ESPL1: variants seen among roughly 807,000 people sequenced by gnomAD.
ESPL1 encodes the protein extra spindle pole bodies like 1, separase.
A neutral mutation model predicts 217.2 loss-of-function variants in ESPL1; 50 were observed. The observed-to-expected ratio is 0.23, with a 90% confidence interval of 0.18 to 0.29. The LOEUF (loss-of-function observed/expected upper bound fraction) is 0.29. Among genes scored for constraint, ESPL1 ranks in the 10% least tolerant of loss-of-function variants. The probability of loss-of-function intolerance (pLI) is 1.00; values close to 1 mark genes in which losing one functional copy is unlikely to be tolerated. For missense variants in ESPL1, 1,834 were observed against 2,603.0 expected (o/e 0.70, Z 6.43); for synonymous variants, 994 against 1,081.3 (o/e 0.92, Z 1.58).
chr12:53,285,096 C>T (rs1943925017), intron 17 of ESPL1, among the ~76,000 whole-genome samples: 1 of 151,742 alleles, frequency 6.6e-6, no homozygotes, highest in African/African-American at 2.4e-5. Context: ...ACTTCATGTG[C>T]TCAATAGCCA....
intron 11 of ESPL1, among the ~76,000 whole-genome samples, chr12:53,279,044 A>C (rs987100783): frequency 6.6e-6 from 1 of 151,878 alleles, no homozygotes; most frequent in African/African-American, 2.4e-5. Context: ...GGCGCATACC[A>C]CCACACCCTG....
Position 53,275,025 on chromosome 12 carries a change from A to C in ESPL1, c.1700+15A>C. Reference sequence around the variant, plus strand: ...CTACAGCTAAAGTGAGTTGAGGGCCAGACGCAGTGGCTCATGCTTGTAATC... The same window carrying C: ...CTACAGCTAAAGTGAGTTGAGGGCCCGACGCAGTGGCTCATGCTTGTAATC... On this transcript the variant is annotated intron_variant, in intron 7 of 30. Coordinates refer to ENST00000257934, the MANE Select transcript of ESPL1 (RefSeq NM_012291.5). The C allele has an allele frequency of 6.6e-7, 1 of 1,507,786 alleles. No homozygotes were observed. The highest frequency in any genetic ancestry group is 1.3e-5 in the South Asian group (1 of 74,820). The allele number at this position is 1,507,786 out of a possible 1,614,324, so 93.4% of individuals were successfully genotyped here. A position where few individuals can be genotyped will look rare whatever the true frequency, so the allele number is the denominator to read the frequency against.
intron 12 of ESPL1, 22 bp from the exon 13 acceptor site, chr12:53,281,485 T>C (rs755567030): frequency 6.2e-7 from 1 of 1,610,934 alleles, no homozygotes; most frequent in East Asian, 2.2e-5. Context: ...TTTCCTCATG[T>C]GCCCTCTGAT....
rs1379416319 is a variant in ESPL1, at chr12:53,286,198, T to C, written c.3462T>C (p.Pro1154=). The change falls in exon 18 of 31, where the codon CCT becomes CCC. Residue 1154 remains proline (P), a synonymous_variant. Coordinates refer to ENST00000257934, the MANE Select transcript of ESPL1 (RefSeq NM_012291.5). This position sits in a 1 kb window ranked among gnomAD's most constrained non-coding sequence, Gnocchi z 5.3. ...PTCDCSLCAS[P]VLTAVCLRWV... The stretch of plus-strand genomic sequence containing the variant: ...GTGACTGCTCGCTCTGCGCCAGCCC[T>C]GTCCTCACAGCAGTCTGTCTGCGCT... 1 of 1,614,242 alleles carries C rather than the reference T, an allele frequency of 6.2e-7. No homozygotes were observed.
chr12:53,275,842 A>G (rs1425767683), intron 7 of ESPL1, among the ~76,000 whole-genome samples: 8 of 151,756 alleles, frequency 5.3e-5, no homozygotes, highest in Non-Finnish European at 1.2e-4. Context: ...CTAGGATTAC[A>G]GGCATGAGCC....
At chr12:53,271,380 C>A (rs11170494) in intron 5 of ESPL1, among the ~76,000 whole-genome samples, 92,099 of 151,242 alleles carry the variant, frequency 0.61, 28,591 homozygotes, top group East Asian at 0.81. Flanking sequence ...CACCACTATG[C>A]CTGGCTAATT....
rs768750399 is a variant in ESPL1 at position 53,288,617 on chromosome 12, G to A, written c.4626G>A (p.Lys1542=). 6.2e-7 allele frequency: 1 copy of A among 1,613,926 alleles called. No individual in the cohort carries two copies. Among genetic ancestry groups the A allele is most frequent in the South Asian group, 1.1e-5 (1 of 91,084 alleles). Residue 1542 remains lysine (K), a synonymous_variant, in exon 20 of 31, where the codon AAG becomes AAA. Transcript: ENST00000257934. The stretch of plus-strand genomic sequence containing the variant: ...TGAGGCTGGATTCCAGCAAGAAGAA[G>A]CTGCCCAGCCCATGCCCAGACAAGG... ...ELLRLDSSKK[K]LPSPCPDKES...
intron 19 of ESPL1, 55 bp from the exon 20 acceptor site, chr12:53,288,481 AAC>A (rs201447440): frequency 1.3e-6 from 2 of 1,510,448 alleles, no homozygotes; most frequent in South Asian, 1.2e-5. Context: ...CAGAAGGAAG[AAC>A]AAAGAGAATG....
chr12:53,290,364 C>G lies in ESPL1; in HGVS notation c.5259C>G (p.Val1753=). The G allele has an allele frequency of 6.2e-7, 1 of 1,613,112 alleles. No individual in the cohort carries two copies. Among genetic ancestry groups the G allele is most frequent in the Non-Finnish European group, 8.5e-7 (1 of 1,180,004 alleles). The change falls in exon 24 of 31, where the codon GTC becomes GTG. Residue 1753 remains valine, a synonymous_variant. Transcript: ENST00000257934. Reference sequence around the variant, plus strand: ...TCCCAAAGCTTCATCTGCGTTCAGTCCTGAATGAGTTTGATGCCATCCAGA... The same window carrying G: ...TCCCAAAGCTTCATCTGCGTTCAGTGCTGAATGAGTTTGATGCCATCCAGA... ...TGQNKLHLRS[V]LNEFDAIQKA...
In ESPL1 at chr12:53,281,625, A is replaced by T; in HGVS notation, c.2618A>T (p.Lys873Met). Reference protein sequence around the residue: ...LRSQLYWTHQKVTKGVSLLLS... With the variant: ...LRSQLYWTHQMVTKGVSLLLS... ...AGTCAACTCTACTGGACTCACCAGAAGGTATTTCTCACTTTCTTAAACTCC... is the reference window on the plus strand; with the variant it reads ...AGTCAACTCTACTGGACTCACCAGATGGTATTTCTCACTTTCTTAAACTCC... The change falls in exon 13 of 31, where the codon AAG becomes ATG. Residue 873 changes from lysine to methionine, a missense_variant and splice_region_variant. Lys to Met is a moderately conservative substitution (Grantham distance 95, BLOSUM62 -1). Transcript: ENST00000257934. The T allele has an allele frequency of 6.2e-7, 1 of 1,612,406 alleles. No individual in the cohort carries two copies. The highest frequency in any genetic ancestry group is 8.5e-7 in the Non-Finnish European group (1 of 1,179,292).
At position 53,276,876 on chromosome 12, in the gene ESPL1, G is replaced by A. The variant is rs1943774379; in HGVS notation, c.1940+17G>A. The A allele has an allele frequency of 6.2e-7, 1 of 1,611,796 alleles. No homozygotes were observed. The highest frequency in any genetic ancestry group is 1.1e-5 in the South Asian group (1 of 90,930). On this transcript the variant is annotated intron_variant, in intron 8 of 30. Coordinates refer to ENST00000257934, the MANE Select transcript of ESPL1 (RefSeq NM_012291.5). ...GACCAACTGGTAAGGAGTAGTAGCT[G>A]CAGAGGCCACTCTTGCTCCTTGCCC...
chr12:53,275,085 T>G, intron 7 of ESPL1, 75 bp downstream of exon 7: 1 of 1,228,008 alleles, frequency 8.1e-7, no homozygotes, highest in South Asian at 1.6e-5. Flanking sequence ...GGTGGATCAC[T>G]TGAGGTCAGG....
At chr12:53,285,010 CAAAAA>C (rs546915854) in intron 17 of ESPL1, among the ~76,000 whole-genome samples, 3 of 100,504 alleles carry the variant, frequency 3.0e-5, no homozygotes, top group Admixed American at 1.1e-4. Flanking sequence ...GACTCTGACT[CAAAAA>C]AAAAAAAAAA....
Position 53,269,572 on chromosome 12 carries a change from T to C in ESPL1, c.630T>C (p.His210=). The C allele has an allele frequency of 1.2e-6, 2 of 1,614,230 alleles. No homozygotes were observed. Among genetic ancestry groups the C allele is most frequent in the Non-Finnish European group, 1.7e-6 (2 of 1,180,042 alleles). The change falls in exon 3 of 31, where the codon CAT becomes CAC. Residue 210 remains histidine (H), a synonymous_variant. Transcript: ENST00000257934. This position sits in a 1 kb window ranked among gnomAD's most constrained non-coding sequence, Gnocchi z 6.7. ...ATCAGCTATTTGATGCCAGTGGCCA[T>C]GGTCTAAATGAAGCAGATGCTGATT... ...AAHQLFDASG[H]GLNEADADFL...
chr12:53,282,431 C>G lies in ESPL1; in HGVS notation c.2787C>G (p.Ala929=). The change falls in exon 14 of 31, where the codon GCC becomes GCG. Residue 929 remains alanine, a synonymous_variant. Coordinates refer to ENST00000257934, the MANE Select transcript of ESPL1 (RefSeq NM_012291.5). This position sits in a 1 kb window ranked among gnomAD's most constrained non-coding sequence, Gnocchi z 4.0. ...LSHSLWEQLC[A]QGWQTPEIAL... is the part of the protein sequence containing the mutation. ...ACTCCCTGTGGGAGCAGCTCTGTGC[C>G]CAAGGTGAAAGAATAGGGTGGATGG... The G allele has an allele frequency of 3.1e-6, 5 of 1,614,056 alleles. No individual in the cohort carries two copies. Among genetic ancestry groups the G allele is most frequent in the Non-Finnish European group, 4.2e-6 (5 of 1,179,970 alleles).
chr12:53,270,313 C>A, intron 3 of ESPL1, 65 bp from the exon 4 acceptor site: 1 of 1,209,388 alleles, frequency 8.3e-7, no homozygotes, highest in Middle Eastern at 1.9e-4. Flanking sequence ...GACTCCGGGT[C>A]AGTCTTCAGC....
chr12:53,278,153 T>C (rs1401864874), intron 11 of ESPL1, among the ~76,000 whole-genome samples, 193 bp downstream of exon 11: 1 of 152,216 alleles, frequency 6.6e-6, no homozygotes, highest in Non-Finnish European at 1.5e-5. Flanking sequence ...GGCAAGTTGC[T>C]TAACCTAAGC....
At chr12:53,291,937 G>T in intron 26 of ESPL1, 47 bp from the exon 27 acceptor site, 1 of 1,606,386 alleles carries the variant, frequency 6.2e-7, no homozygotes, top group Non-Finnish European at 8.5e-7. Flanking sequence ...TCTGACTTCT[G>T]CATATACCTG....
chr12:53,271,904 A>G (rs1943681443), intron 5 of ESPL1, among the ~76,000 whole-genome samples: 2 of 152,086 alleles, frequency 1.3e-5, no homozygotes, highest in Admixed American at 6.6e-5. Context: ...CCTGGCTAAC[A>G]GTGAAACCCC....
Sources: allele counts gnomAD v4.1 joint callset (sites outside exome capture counted in the v4.1 genomes callset), GRCh38; gene constraint gnomAD v4.1.1; non-coding constraint Gnocchi (gnomAD v3.1); transcripts MANE v1.5; gene names NCBI Gene and HGNC (gene_info 2026-07-23, HGNC 2026-07-21).